Variants in CCDC152 observed in about 807,000 individuals in gnomAD.
CCDC152 encodes coiled-coil domain containing 152, also known as coiled-coil domain-containing protein 152.
A neutral mutation model predicts 38.1 loss-of-function variants in CCDC152; 37 were observed. That is an observed-to-expected ratio of 0.97 (90% CI 0.75 to 1.28). CCDC152 has a LOEUF of 1.28. CCDC152 is among the 50% of genes most tolerant of loss of function. The pLI, the probability that CCDC152 is intolerant of heterozygous loss-of-function variation, is 0.00. For missense variants in CCDC152, 259 were observed against 292.1 expected, an observed-to-expected ratio of 0.89 and a Z score of 0.83; for synonymous variants, 83 against 87.1, an observed-to-expected ratio of 0.95 and a Z score of 0.26.
At position 42,799,900 on chromosome 5, in the gene CCDC152, GAATTT is replaced by G; in HGVS notation, c.*121_*125del. The G allele has an allele frequency of 2.7e-6, 3 of 1,122,796 alleles. No individual in the cohort carries two copies. The highest frequency in any genetic ancestry group is 5.2e-5 in the East Asian group (2 of 38,596). The allele number at this position is 1,122,796 out of a possible 1,614,324, so 69.6% of individuals were successfully genotyped here. The stretch of plus-strand genomic sequence containing the variant: ...CGAAGTCAGCTTTAAGGTTTTTATT[GAATTT>G]ATTTGGACAAATCCGTACTGTATCC... On this transcript the variant is annotated 3_prime_UTR_variant, in exon 9 of 9. Transcript: ENST00000361970.
chr5:42,759,497 T>A (rs115055945), intron 2 of CCDC152, among the ~76,000 whole-genome samples: 6,570 of 152,194 alleles, frequency 0.043, 195 homozygotes, highest in Admixed American at 0.082. Context: ...TTATCTGAGG[T>A]TTTGCTTTTT....
intron 3 of CCDC152, among the ~76,000 whole-genome samples, chr5:42,767,649 TGAA>T (rs1759642784): frequency 6.6e-6 from 1 of 152,230 alleles, no homozygotes; most frequent in Non-Finnish European, 1.5e-5. Flanking sequence ...GGTATTCTCG[TGAA>T]GAATTTATCT....
At chr5:42,762,135 C>A (rs150111198) in intron 2 of CCDC152, among the ~76,000 whole-genome samples, 1 of 152,138 alleles carries the variant, frequency 6.6e-6, no homozygotes, top group Admixed American at 6.5e-5. Flanking sequence ...ATGTTGGAGG[C>A]AAGTGTAACA....
At chr5:42,787,092 A>G (rs186436884) in intron 6 of CCDC152, among the ~76,000 whole-genome samples, 8 of 152,204 alleles carry the variant, frequency 5.3e-5, no homozygotes, top group Admixed American at 2.6e-4. Flanking sequence ...ACAATGTTCT[A>G]TGCACAGATG....
chr5:42,791,623 CTT>C (rs942922389), intron 6 of CCDC152, among the ~76,000 whole-genome samples: 6 of 152,256 alleles, frequency 3.9e-5, no homozygotes, highest in African/African-American at 1.4e-4. Flanking sequence ...CTCCTTATTT[CTT>C]TCTTTACTAT....
At chr5:42,798,011 G>T (rs1362506348) in intron 7 of CCDC152, among the ~76,000 whole-genome samples, 1 of 152,100 alleles carries the variant, frequency 6.6e-6, no homozygotes, top group African/African-American at 2.4e-5. Flanking sequence ...AATTAACTGG[G>T]CGTGATGGCA....
chr5:42,787,937 A>T (rs1435027381), intron 6 of CCDC152, among the ~76,000 whole-genome samples: 1 of 152,134 alleles, frequency 6.6e-6, no homozygotes, highest in East Asian at 1.9e-4. Flanking sequence ...TGGAACATTT[A>T]GGCTGTTTAT....
intron 6 of CCDC152, 65 bp downstream of exon 6, chr5:42,783,641 C>A: frequency 1.3e-6 from 1 of 743,106 alleles, no homozygotes. Context: ...GGGTTTGTTA[C>A]ATGGGTATTT....
chr5:42,761,111 A>G (rs557782698), intron 2 of CCDC152, among the ~76,000 whole-genome samples: 2 of 152,188 alleles, frequency 1.3e-5, no homozygotes, highest in Non-Finnish European at 2.9e-5. Context: ...TACAGATGAT[A>G]TAAGACTGTT....
intron 4 of CCDC152, among the ~76,000 whole-genome samples, chr5:42,772,207 T>C (rs1472356773): frequency 1.3e-5 from 2 of 152,046 alleles, no homozygotes; most frequent in Non-Finnish European, 2.9e-5. Flanking sequence ...GAAAAAACAT[T>C]TGACAAAATT....
At chr5:42,759,247 A>G (rs763769185) in intron 2 of CCDC152, 39 bp downstream of exon 2, 3 of 1,283,178 alleles carry the variant, frequency 2.3e-6, no homozygotes, top group Non-Finnish European at 3.2e-6. Flanking sequence ...ATATAGGGAT[A>G]CATGGAACAG....
intron 4 of CCDC152, among the ~76,000 whole-genome samples, chr5:42,775,759 T>G (rs1430446415): frequency 1.3e-5 from 2 of 151,948 alleles, no homozygotes; most frequent in Admixed American, 1.3e-4. Context: ...TATGCATAAG[T>G]GAAATGCATG....
At chr5:42,782,012 C>G (rs1025111238) in intron 5 of CCDC152, among the ~76,000 whole-genome samples, 1 of 152,134 alleles carries the variant, frequency 6.6e-6, no homozygotes, top group African/African-American at 2.4e-5. Flanking sequence ...CTCAATGCTC[C>G]TCTCCCTGTT....
At chr5:42,762,719 G>A (rs960166216) in intron 3 of CCDC152, among the ~76,000 whole-genome samples, 171 bp downstream of exon 3, 1 of 152,054 alleles carries the variant, frequency 6.6e-6, no homozygotes, top group Non-Finnish European at 1.5e-5. Flanking sequence ...TGTAAGATGG[G>A]TATTATTACT....
chr5:42,773,893 A>C (rs1759732719), intron 4 of CCDC152, among the ~76,000 whole-genome samples: 1 of 152,228 alleles, frequency 6.6e-6, no homozygotes, highest in South Asian at 2.1e-4. Flanking sequence ...CAGGGCTGAA[A>C]ATGTGTCCCT....
In CCDC152 at chr5:42,801,010, G is replaced by A. The variant is rs373829928; in HGVS notation, c.*1229G>A. On this transcript the variant is annotated 3_prime_UTR_variant, in exon 9 of 9. Transcript: ENST00000361970. The stretch of plus-strand genomic sequence containing the variant: ...TCTGAATCTGTGGGCAATTTACAGA[G>A]TAATTGATTTATACATCTCTTTCGA... 1.9e-6 allele frequency: 3 copies of A among 1,614,032 alleles called. No homozygotes were observed. Among genetic ancestry groups the A allele is most frequent in the Admixed American group, 1.7e-5 (1 of 60,016 alleles).
intron 4 of CCDC152, among the ~76,000 whole-genome samples, chr5:42,773,029 TC>T (rs1207360276): frequency 6.6e-6 from 1 of 152,248 alleles, no homozygotes; most frequent in Non-Finnish European, 1.5e-5. Flanking sequence ...TGGACTATGT[TC>T]TTCTGGTTGT....
chr5:42,801,299 T>C lies in CCDC152; in HGVS notation c.*1518T>C, dbSNP rs1329758821. 6.2e-7 allele frequency: 1 copy of C among 1,611,828 alleles called. No homozygotes were observed. Among genetic ancestry groups the C allele is most frequent in the Non-Finnish European group, 8.5e-7 (1 of 1,178,966 alleles). On this transcript the variant is annotated 3_prime_UTR_variant, in exon 9 of 9. Coordinates refer to ENST00000361970, the MANE Select transcript of CCDC152 (RefSeq NM_001134848.2). ...CTGTTTTATCCACAGTAGCCAAAGA[T>C]ACACGTTTACAAAAGTCTTCATCTT...
At chr5:42,771,500 A>C (rs1280116018) in intron 4 of CCDC152, among the ~76,000 whole-genome samples, 1 of 151,916 alleles carries the variant, frequency 6.6e-6, no homozygotes, top group African/African-American at 2.4e-5. Context: ...TTTTTTGAAA[A>C]AATAAACTAA....
Sources: gnomAD v4.1 joint callset for allele counts (sites outside exome capture counted in the v4.1 genomes callset) on GRCh38, gnomAD v4.1.1 for gene constraint, MANE v1.5 for transcripts, NCBI Gene and HGNC (gene_info 2026-07-23, HGNC 2026-07-21) for gene names.